The following CRYBA4 variants were observed in gnomAD, a reference collection of about 807,000 sequenced individuals.
CRYBA4 encodes the protein beta-crystallin A4.
CRYBA4 carries 30 observed loss-of-function variants against 31.7 expected under a neutral mutation model. That is an observed-to-expected ratio of 0.95 (90% CI 0.71 to 1.28). The LOEUF is 1.28. Ranked by LOEUF, CRYBA4 falls within the 50% of genes most tolerant of loss-of-function variation. The pLI is 0.00. For synonymous variants in CRYBA4, 102 were observed against 102.3 expected (o/e 1.00, Z 0.02); for missense variants, 225 against 260.7 (o/e 0.86, Z 0.94).
the CRYBA4 span, among the ~76,000 whole-genome samples, chr22:26,613,033 A>AG: frequency 1.3e-5 from 2 of 152,192 alleles, no homozygotes; most frequent in Middle Eastern, 3.4e-3. Context: ...CCAAAGACCA[A>AG]GGACTCCTCC....
At chr22:26,597,896 T>C in the CRYBA4 span, among the ~76,000 whole-genome samples, 1 of 152,206 alleles carries the variant, frequency 6.6e-6, no homozygotes, top group Non-Finnish European at 1.5e-5. Flanking sequence ...TTTCTTCTTT[T>C]TTTTTGAGGT....
the CRYBA4 span, chr22:26,616,370 A>G: frequency 1.3e-6 from 2 of 1,487,774 alleles, no homozygotes; most frequent in Non-Finnish European, 9.3e-7. Context: ...CAGGGATGAC[A>G]CCCCCAAACT....
intron 4 of CRYBA4, among the ~76,000 whole-genome samples, chr22:26,625,850 A>G (rs373609716): frequency 1.3e-5 from 2 of 152,274 alleles, no homozygotes; most frequent in East Asian, 3.9e-4. Context: ...AGCCTGCCTT[A>G]AACTCTCTGC....
chr22:26,622,955 A>T (rs955730338), intron 2 of CRYBA4, among the ~76,000 whole-genome samples: 2 of 152,260 alleles, frequency 1.3e-5, no homozygotes, highest in Non-Finnish European at 2.9e-5. Context: ...GAAGAACCAC[A>T]TAAAAGTCCA....
upstream of CRYBA4, among the ~76,000 whole-genome samples, chr22:26,619,588 T>C (rs892468819): frequency 6.6e-6 from 1 of 152,192 alleles, no homozygotes; most frequent in African/African-American, 2.4e-5. Flanking sequence ...CCCAGCTCTG[T>C]CTTGAACTCT....
At chr22:26,609,785 T>C in the CRYBA4 span, among the ~76,000 whole-genome samples, 1 of 152,202 alleles carries the variant, frequency 6.6e-6, no homozygotes, top group African/African-American at 2.4e-5. Context: ...CAGACAGACC[T>C]GAATTCTAAT....
At chr22:26,621,462 C>G (rs1242696282), upstream of CRYBA4, among the ~76,000 whole-genome samples, 2 of 152,188 alleles carry the variant, frequency 1.3e-5, no homozygotes, top group East Asian at 3.9e-4. Flanking sequence ...CAAATGCCTC[C>G]TCTAACGGCA....
chr22:26,619,824 C>T (rs1013749891), upstream of CRYBA4, among the ~76,000 whole-genome samples: 1 of 152,214 alleles, frequency 6.6e-6, no homozygotes, highest in South Asian at 2.1e-4. Context: ...TTCCGTGCCC[C>T]CCCTAAAGCC....
chr22:26,594,646 G>A, the CRYBA4 span, among the ~76,000 whole-genome samples: 28,849 of 152,012 alleles, frequency 0.19, 2,861 homozygotes, highest in Middle Eastern at 0.21. Context: ...GGCTGAGATT[G>A]CGCCACTGCA....
chr22:26,620,809 C>T (rs1024171384), upstream of CRYBA4, among the ~76,000 whole-genome samples: 2 of 152,106 alleles, frequency 1.3e-5, no homozygotes, highest in African/African-American at 2.4e-5. Context: ...GTGATCCACC[C>T]ACCTCGGCCT....
chr22:26,594,787 G>A, the CRYBA4 span, among the ~76,000 whole-genome samples: 5 of 152,298 alleles, frequency 3.3e-5, no homozygotes, highest in East Asian at 7.7e-4. Context: ...AGAAGCCCCC[G>A]AAAAGGCTGA....
At chr22:26,621,284 C>A (rs2145977252), upstream of CRYBA4, among the ~76,000 whole-genome samples, 1 of 152,366 alleles carries the variant, frequency 6.6e-6, no homozygotes, top group African/African-American at 2.4e-5. Flanking sequence ...TGGCCTAGCC[C>A]TCTTCTCCTG....
In CRYBA4 at chr22:26,622,104, C is replaced by A. The variant is rs879123161; in HGVS notation, c.-13+118C>A. The A allele has an allele frequency of 2.9e-5, 11 of 378,592 alleles. No homozygotes were observed. The South Asian group carries it at 9.9e-4, about 34-fold the overall frequency. The allele number at this position is 378,592 out of a possible 1,614,324, so 23.5% of individuals were successfully genotyped here. On this transcript the variant is annotated intron_variant, in intron 1 of 5. Transcript: ENST00000354760. ...ACTGTGTCATCCTGAATGCCATCCT[C>A]ATCCTAACCAAGGATGAGCCCCAAC... is the stretch of plus-strand genomic sequence containing the variant.
chr22:26,620,946 C>T (rs764835795), upstream of CRYBA4, among the ~76,000 whole-genome samples: 1 of 152,182 alleles, frequency 6.6e-6, no homozygotes, highest in Non-Finnish European at 1.5e-5. Flanking sequence ...GAGCAGGACT[C>T]AGGTGTCCTC....
upstream of CRYBA4, among the ~76,000 whole-genome samples, chr22:26,618,929 C>T (rs960965828): frequency 4.6e-5 from 7 of 152,216 alleles, no homozygotes; most frequent in African/African-American, 9.6e-5. Flanking sequence ...ACCCAGGCCA[C>T]GTTATCTGAC....
the CRYBA4 span, among the ~76,000 whole-genome samples, chr22:26,594,982 A>G: frequency 6.6e-6 from 1 of 152,172 alleles, no homozygotes; most frequent in Non-Finnish European, 1.5e-5. Context: ...TCATGTTTTG[A>G]GAGATATGTT....
At chr22:26,623,387 G>T in intron 3 of CRYBA4, 35 bp downstream of exon 3, 2 of 1,553,576 alleles carry the variant, frequency 1.3e-6, no homozygotes, top group Non-Finnish European at 1.8e-6. Flanking sequence ...GGGGTAGAGG[G>T]TGGACAGGAA....
At chr22:26,608,100 C>T in the CRYBA4 span, 1 of 1,608,794 alleles carries the variant, frequency 6.2e-7, no homozygotes, top group African/African-American at 1.3e-5. Context: ...GCCTTTCTCT[C>T]TCCCCTGGCA....
the CRYBA4 span, among the ~76,000 whole-genome samples, chr22:26,596,012 T>C: frequency 6.6e-6 from 1 of 152,200 alleles, no homozygotes; most frequent in African/African-American, 2.4e-5. Flanking sequence ...GCTCAAGTGA[T>C]CCTCCCACCT....
Sources: gnomAD v4.1 joint callset for allele counts (sites outside exome capture counted in the v4.1 genomes callset) on GRCh38, gnomAD v4.1.1 for gene constraint, MANE v1.5 for transcripts, NCBI Gene and HGNC (gene_info 2026-07-23, HGNC 2026-07-21) for gene names.